The following GALNT17 variants were observed in gnomAD, a reference collection of about 807,000 sequenced individuals.
GALNT17 encodes the protein UDP-GalNAc:polypeptide N-acetylgalactosaminyltransferase-like 3.
A neutral mutation model predicts 63.7 loss-of-function variants in GALNT17; 29 were observed. That is an observed-to-expected ratio of 0.46 (90% confidence interval 0.34 to 0.62). The LOEUF is 0.62. Ranked by LOEUF, GALNT17 falls within the 20% of genes least tolerant of loss-of-function variation. The pLI is 0.01. For missense variants in GALNT17, 603 were observed against 799.6 expected, an observed-to-expected ratio of 0.75 and a Z score of 2.97; for synonymous variants, 305 against 318.3, an observed-to-expected ratio of 0.96 and a Z score of 0.45.
intron 1 of GALNT17, among the ~76,000 whole-genome samples, chr7:71,323,874 A>C (rs890801261): frequency 6.6e-6 from 1 of 152,238 alleles, no homozygotes; most frequent in Non-Finnish European, 1.5e-5. Flanking sequence ...ACAAGAGACC[A>C]GTGCTCACGC....
In GALNT17 at chr7:71,416,043, C is replaced by T. The variant is rs566090840; in HGVS notation, c.744C>T (p.His248=). 167 of 1,612,528 alleles carry T rather than the reference C, an allele frequency of 1.0e-4. 2 individuals are homozygous for T. In the South Asian group the frequency reaches 1.1e-3, roughly 11 times the overall value. ...AGGTCACTGGCTTCTTTGATGCCCA[C>T]GTGGAATTCACCGCTGGCTGGTAGG... ...TGQVTGFFDA[H]VEFTAGWAEP... is the part of the protein sequence containing the mutation. Residue 248 remains histidine, a synonymous_variant, in exon 4 of 11, where the codon CAC becomes CAT. Transcript: ENST00000333538.
intron 6 of GALNT17, among the ~76,000 whole-genome samples, chr7:71,594,716 TGAG>T (rs1373159876): frequency 1.3e-5 from 2 of 152,148 alleles, no homozygotes; most frequent in African/African-American, 4.8e-5. Context: ...GAGATGAGCT[TGAG>T]GAGGTTGGTC....
chr7:71,570,109 C>T (rs1014770052), intron 5 of GALNT17, among the ~76,000 whole-genome samples: 1 of 151,526 alleles, frequency 6.6e-6, no homozygotes, highest in African/African-American at 2.4e-5. Context: ...GACAGGTGGC[C>T]TCACATGGTT....
intron 5 of GALNT17, among the ~76,000 whole-genome samples, chr7:71,557,188 G>A (rs113687373): frequency 1.3e-5 from 2 of 151,864 alleles, no homozygotes; most frequent in African/African-American, 2.4e-5. Flanking sequence ...CACCACATCT[G>A]GTATTAATTA....
chr7:71,442,164 A>G (rs987933100), intron 5 of GALNT17, among the ~76,000 whole-genome samples: 3 of 152,080 alleles, frequency 2.0e-5, no homozygotes, highest in Non-Finnish European at 2.9e-5. Context: ...TGACTTTTTC[A>G]TAATAGCCAT....
intron 5 of GALNT17, among the ~76,000 whole-genome samples, chr7:71,429,223 C>G (rs1786816468): frequency 6.6e-6 from 1 of 151,968 alleles, no homozygotes; most frequent in Non-Finnish European, 1.5e-5. Context: ...AGTCTGAAGG[C>G]AGAAAGGAAG....
chr7:71,362,063 T>C (rs1792412474), intron 2 of GALNT17, among the ~76,000 whole-genome samples: 1 of 152,112 alleles, frequency 6.6e-6, no homozygotes, highest in African/African-American at 2.4e-5. Flanking sequence ...TTCAAGAGAT[T>C]CTCCTGCCTC....
At chr7:71,340,794 G>A (rs1427622178) in intron 2 of GALNT17, among the ~76,000 whole-genome samples, 1 of 152,174 alleles carries the variant, frequency 6.6e-6, no homozygotes, top group African/African-American at 2.4e-5. Context: ...AGCACTTTGG[G>A]AGGCTGAGGT....
chr7:71,623,064 G>T (rs207468063), intron 6 of GALNT17, among the ~76,000 whole-genome samples: 1 of 152,028 alleles, frequency 6.6e-6, no homozygotes, highest in African/African-American at 2.4e-5. Context: ...CCATCTCCTG[G>T]GTCTGAACCT....
At chr7:71,133,994 A>T (rs1787735904) in intron 1 of GALNT17, among the ~76,000 whole-genome samples, 1 of 152,204 alleles carries the variant, frequency 6.6e-6, no homozygotes, top group Non-Finnish European at 1.5e-5. Context: ...ATAATAACTG[A>T]TGGAATTCTT....
At chr7:71,543,712 TTTC>T (rs1458594152) in intron 5 of GALNT17, among the ~76,000 whole-genome samples, 3 of 144,494 alleles carry the variant, frequency 2.1e-5, no homozygotes, top group Non-Finnish European at 4.7e-5. Context: ...TTTTTTTTTT[TTTC>T]TTATCTGCTG....
intron 5 of GALNT17, among the ~76,000 whole-genome samples, chr7:71,494,828 C>T (rs1263249774): frequency 2.0e-5 from 3 of 152,192 alleles, no homozygotes; most frequent in Non-Finnish European, 4.4e-5. Flanking sequence ...AGCAAAGTCA[C>T]GTCTTACATG....
In GALNT17 at chr7:71,670,062, G is replaced by A. The variant is rs779941360; in HGVS notation, c.1357G>A (p.Val453Ile). Residue 453 changes from valine (V) to isoleucine (I), a missense_variant, in exon 8 of 11, where the codon GTT becomes ATT. By Grantham distance (29) the Val-to-Ile change is conservative. Around this residue, in one of 3 missense-constraint regions of GALNT17, gnomAD observed 336 missense variants for 507.8 expected, o/e 0.66. Coordinates refer to ENST00000333538, the MANE Select transcript of GALNT17 (RefSeq NM_022479.3). ...GAATTTCCAGTGGTACCTGGACCAT[G>A]TTTACCCAGAAATGAGAAGATACAA... ...CKNFQWYLDH[V>I]YPEMRRYNNT... 3.1e-6 allele frequency: 5 copies of A among 1,614,152 alleles called. No homozygotes were observed. The East Asian group carries it at 1.1e-4, about 36-fold the overall frequency.
intron 1 of GALNT17, among the ~76,000 whole-genome samples, chr7:71,211,833 A>G (rs1462845172): frequency 6.6e-6 from 1 of 152,172 alleles, no homozygotes; most frequent in African/African-American, 2.4e-5. Flanking sequence ...GAGAAAGATG[A>G]TTTACAGTAT....
intron 2 of GALNT17, among the ~76,000 whole-genome samples, chr7:71,373,464 C>G (rs1022318827): frequency 6.6e-6 from 1 of 152,018 alleles, no homozygotes; most frequent in Non-Finnish European, 1.5e-5. Flanking sequence ...CCGGGGGTCC[C>G]CAGACCTTGG....
intron 2 of GALNT17, among the ~76,000 whole-genome samples, chr7:71,345,839 C>G (rs1467762783): frequency 6.6e-6 from 1 of 151,704 alleles, no homozygotes; most frequent in Non-Finnish European, 1.5e-5. Context: ...CAATAGATAC[C>G]CTGTGTCTCA....
chr7:71,167,167 A>G (rs1029577519), intron 1 of GALNT17, among the ~76,000 whole-genome samples: 49 of 151,300 alleles, frequency 3.2e-4, no homozygotes, highest in Admixed American at 1.9e-3. Flanking sequence ...GATTACAGAC[A>G]TGAACCACTG....
chr7:71,446,080 G>A (rs1007573530), intron 5 of GALNT17, among the ~76,000 whole-genome samples: 7 of 152,154 alleles, frequency 4.6e-5, no homozygotes, highest in African/African-American at 1.7e-4. Context: ...GCAGAGGCTG[G>A]CAGCCATGAA....
At chr7:71,311,378 T>A (rs1224027244) in intron 1 of GALNT17, among the ~76,000 whole-genome samples, 1 of 152,106 alleles carries the variant, frequency 6.6e-6, no homozygotes, top group Non-Finnish European at 1.5e-5. Context: ...CAGTGGTGAG[T>A]CAATCAATTG....
Sources: gnomAD v4.1 joint callset for allele counts (sites outside exome capture counted in the v4.1 genomes callset) on GRCh38, gnomAD v4.1.1 for gene constraint, gnomAD v4.1.1 regional missense constraint, MANE v1.5 for transcripts, NCBI Gene and HGNC (gene_info 2026-07-23, HGNC 2026-07-21) for gene names.